Variants in TTLL5 observed in about 807,000 individuals in gnomAD.
TTLL5 encodes the protein tubulin tyrosine ligase like 5, also known as tubulin polyglutamylase TTLL5.
A neutral mutation model predicts 168.4 loss-of-function variants in TTLL5; 132 were observed. The ratio of observed to expected loss-of-function variants is 0.78; its 90% CI spans 0.68 to 0.91. The LOEUF is 0.91. Among genes scored for constraint, TTLL5 ranks in the 40% least tolerant of loss-of-function variants. The pLI, the probability that TTLL5 is intolerant of heterozygous loss-of-function variation, is 0.00. For synonymous variants in TTLL5, 546 were observed against 558.6 expected (o/e 0.98, Z 0.32); for missense variants, 1,545 against 1,581.5 (o/e 0.98, Z 0.39).
At chr14:75,819,720 G>T (rs531784038) in intron 27 of TTLL5, among the ~76,000 whole-genome samples, 1 of 152,326 alleles carries the variant, frequency 6.6e-6, no homozygotes, top group African/African-American at 2.4e-5. Context: ...GTAGATTCTT[G>T]CTGTTTTTGT....
At chr14:75,731,640 T>C (rs2096247522) in intron 12 of TTLL5, among the ~76,000 whole-genome samples, 1 of 152,168 alleles carries the variant, frequency 6.6e-6, no homozygotes, top group Non-Finnish European at 1.5e-5. Context: ...CCTACCCTTC[T>C]TAAATAATAT....
chr14:75,919,228 A>AG (rs2033736696), intron 31 of TTLL5, among the ~76,000 whole-genome samples: 26 of 149,938 alleles, frequency 1.7e-4, no homozygotes, highest in African/African-American at 5.9e-4. Context: ...AAAAGGAAAA[A>AG]GAAAAAGAAA....
intron 12 of TTLL5, among the ~76,000 whole-genome samples, chr14:75,732,000 CTTTT>C (rs762598685): frequency 3.9e-5 from 5 of 129,548 alleles, no homozygotes; most frequent in Non-Finnish European, 6.7e-5. Context: ...TTCCCCGCCT[CTTTT>C]TTTTTTTTTT....
At position 75,746,438 on chromosome 14, in the gene TTLL5, G is replaced by C. The variant is rs554656448; in HGVS notation, c.1487+857G>C. Among the ~76,000 whole-genome samples, 7 of 152,056 alleles carry C rather than the reference G, an allele frequency of 4.6e-5. No homozygotes were observed. In the East Asian group the frequency reaches 1.4e-3, roughly 29 times the overall value. On this transcript the variant is annotated intron_variant, in intron 17 of 31. Coordinates refer to ENST00000298832, the MANE Select transcript of TTLL5 (RefSeq NM_015072.5). The stretch of plus-strand genomic sequence containing the variant: ...ATGTCTTTTCGTCATTTTCAGGCTT[G>C]CGTTTTTCTGATGAGAAGCATACAG...
chr14:75,937,283 A>AT (rs59787253), intron 31 of TTLL5, among the ~76,000 whole-genome samples: 4,196 of 140,000 alleles, frequency 0.03, 94 homozygotes, highest in African/African-American at 0.062. Flanking sequence ...CGTCCAGCTA[A>AT]TTTTTTTTTT....
At chr14:75,708,561 G>A (rs1158827379) in intron 9 of TTLL5, among the ~76,000 whole-genome samples, 2 of 151,930 alleles carry the variant, frequency 1.3e-5, no homozygotes, top group South Asian at 2.1e-4. Flanking sequence ...TCCTGACCTC[G>A]TGATCCGCCT....
chr14:75,733,713 A>T (rs540574424), intron 13 of TTLL5, among the ~76,000 whole-genome samples: 9 of 152,306 alleles, frequency 5.9e-5, no homozygotes, highest in African/African-American at 2.2e-4. Context: ...CAAATTTTGA[A>T]TTGCACAAGA....
chr14:75,905,333 G>A (rs1219552669), intron 31 of TTLL5, among the ~76,000 whole-genome samples: 1 of 152,188 alleles, frequency 6.6e-6, no homozygotes, highest in Non-Finnish European at 1.5e-5. Flanking sequence ...TGCCTGCCAG[G>A]CTTTCGGCTG....
At chr14:75,837,423 T>A (rs2139830257) in intron 28 of TTLL5, 1 of 152,346 alleles carries the variant, frequency 6.6e-6, no homozygotes, top group South Asian at 2.1e-4. Context: ...TTTTAAAAAT[T>A]GTGGTAAAAC....
chr14:75,869,062 G>GTGTGTT (rs1566638119), intron 29 of TTLL5, among the ~76,000 whole-genome samples: 1 of 144,330 alleles, frequency 6.9e-6, no homozygotes, highest in Admixed American at 7.0e-5. Context: ...GTGTGTGTGT[G>GTGTGTT]TTTAAGTTCC....
chr14:75,768,163 T>C (rs532915488), intron 20 of TTLL5, among the ~76,000 whole-genome samples: 1 of 152,236 alleles, frequency 6.6e-6, no homozygotes, highest in African/African-American at 2.4e-5. Flanking sequence ...AAAAAAGAAT[T>C]GAGCCCTGGG....
chr14:75,914,017 G>GAAAAAAAAAA (rs1201862659), intron 31 of TTLL5, among the ~76,000 whole-genome samples: 375 of 30,946 alleles, frequency 0.012, 22 homozygotes, highest in South Asian at 0.019. Flanking sequence ...TGTTTAAAAG[G>GAAAAAAAAAA]AAAAAAAAAA....
intron 31 of TTLL5, among the ~76,000 whole-genome samples, chr14:75,926,069 G>A (rs866638007): frequency 6.7e-6 from 1 of 150,208 alleles, no homozygotes; most frequent in African/African-American, 2.5e-5. Flanking sequence ...ACCGTGGGCC[G>A]TGGGCCGTGG....
intron 26 of TTLL5, among the ~76,000 whole-genome samples, chr14:75,788,343 A>G (rs1892503679): frequency 6.6e-6 from 1 of 152,160 alleles, no homozygotes; most frequent in South Asian, 2.1e-4. Flanking sequence ...GATTTTTTGA[A>G]AAGCCTAATA....
intron 12 of TTLL5, among the ~76,000 whole-genome samples, chr14:75,730,609 A>G (rs1026902884): frequency 6.6e-6 from 1 of 152,218 alleles, no homozygotes; most frequent in Non-Finnish European, 1.5e-5. Context: ...GCATCCAGAT[A>G]TTGACAGTGA....
intron 30 of TTLL5, among the ~76,000 whole-genome samples, chr14:75,890,128 G>A (rs900982163): frequency 2.0e-5 from 3 of 152,148 alleles, no homozygotes; most frequent in African/African-American, 7.2e-5. Flanking sequence ...ACTTCCCTGA[G>A]CTCAGCAAAA....
At chr14:75,853,122 A>T (rs1896956268) in intron 28 of TTLL5, among the ~76,000 whole-genome samples, 2 of 152,164 alleles carry the variant, frequency 1.3e-5, no homozygotes, top group Non-Finnish European at 2.9e-5. Flanking sequence ...TTTTATTATC[A>T]ATATATCATC....
chr14:75,885,256 C>T (rs1004410848), intron 30 of TTLL5, among the ~76,000 whole-genome samples: 4 of 148,136 alleles, frequency 2.7e-5, no homozygotes, highest in African/African-American at 5.0e-5. Flanking sequence ...TTTGGGAAGC[C>T]GAGGCGGGCA....
intron 29 of TTLL5, 64 bp downstream of exon 29, chr14:75,863,926 A>AAAAAAAAAAAAAAG: frequency 2.6e-5 from 33 of 1,257,804 alleles, no homozygotes; most frequent in Admixed American, 9.7e-5. Flanking sequence ...AAAAAAAAAA[A>AAAAAAAAAAAAAAG]AAAAAAAAGG....
Sources: gnomAD v4.1 joint callset for allele counts (sites outside exome capture counted in the v4.1 genomes callset) on GRCh38, gnomAD v4.1.1 for gene constraint, MANE v1.5 for transcripts, NCBI Gene and HGNC (gene_info 2026-07-23, HGNC 2026-07-21) for gene names.